The following VPS52 variants were observed in gnomAD, a reference collection of about 807,000 sequenced individuals.
VPS52 encodes the protein vacuolar protein sorting-associated protein 52 homolog.
In VPS52, 56 loss-of-function variants were observed where a neutral mutation model predicts 98.7. The ratio of observed to expected loss-of-function variants is 0.57; its 90% CI spans 0.46 to 0.71. The LOEUF is 0.71. VPS52 is among the 30% of genes least tolerant of loss of function. The pLI, the probability that VPS52 is intolerant of heterozygous loss-of-function variation, is 0.00. For missense variants in VPS52, 742 were observed against 925.9 expected, an observed-to-expected ratio of 0.80 and a Z score of 2.58; for synonymous variants, 348 against 346.4, an observed-to-expected ratio of 1.00 and a Z score of -0.05.
chr6:33,256,235 T>TTTACAGGAGATTACA (rs999731198), intron 17 of VPS52, among the ~76,000 whole-genome samples: 6 of 151,712 alleles, frequency 4.0e-5, no homozygotes, highest in Middle Eastern at 3.4e-3. Flanking sequence ...CCAGGTGGAG[T>TTTACAGGAGATTACA]GGCTCACATC....
chr6:33,260,184 T>C (rs192555643), intron 17 of VPS52, among the ~76,000 whole-genome samples: 1 of 151,924 alleles, frequency 6.6e-6, no homozygotes, highest in African/African-American at 2.4e-5. Context: ...GATTCTGGGG[T>C]TTTTTGTTTT....
intron 13 of VPS52, 98 bp from the exon 14 acceptor site, chr6:33,264,595 T>C: frequency 1.9e-6 from 3 of 1,560,732 alleles, no homozygotes; most frequent in Non-Finnish European, 2.6e-6. Flanking sequence ...CAATAGCTAG[T>C]TGTGGGGGTT....
intron 13 of VPS52, 84 bp downstream of exon 13, chr6:33,264,698 G>C (rs577804818): frequency 4.2e-6 from 6 of 1,438,434 alleles, no homozygotes; most frequent in South Asian, 1.1e-5. Context: ...TACCAGGTCA[G>C]TAGGAGTCTA....
At chr6:33,251,397 C>T (rs2150781216) in intron 19 of VPS52, 121 bp downstream of exon 19, 1 of 719,076 alleles carries the variant, frequency 1.4e-6, no homozygotes, top group Non-Finnish European at 2.4e-6. Flanking sequence ...TCATACAGAA[C>T]TTTGGGCACA....
chr6:33,251,871 C>A lies in VPS52; in HGVS notation c.1895G>T (p.Arg632Leu), dbSNP rs751054228. 3.7e-6 allele frequency: 6 copies of A among 1,613,480 alleles called. No individual in the cohort carries two copies. Among genetic ancestry groups the A allele is most frequent in the Non-Finnish European group, 5.1e-6 (6 of 1,180,048 alleles). The part of the protein sequence containing the change: ...LIERGQAERL[R>L]GEEARVTQLI... Reference sequence around the variant, plus strand: ...TATTTTCCTCATACCTTCTTCCCCTCGAAGTCGCTCAGCCTGTCCACGCTC... The same window carrying A: ...TATTTTCCTCATACCTTCTTCCCCTAGAAGTCGCTCAGCCTGTCCACGCTC... Residue 632 changes from arginine to leucine, a missense_variant, in exon 18 of 20, where the codon CGA (arginine) becomes CTA (leucine). Coordinates refer to ENST00000445902, the MANE Select transcript of VPS52 (RefSeq NM_022553.6).
chr6:33,270,923 C>G (rs895071313), intron 1 of VPS52, among the ~76,000 whole-genome samples: 1 of 142,154 alleles, frequency 7.0e-6, no homozygotes, highest in Non-Finnish European at 1.5e-5. Flanking sequence ...TGCACTCCAG[C>G]CTGGGCGACA....
chr6:33,270,487 C>T (rs1363335598), intron 1 of VPS52, among the ~76,000 whole-genome samples: 1 of 152,114 alleles, frequency 6.6e-6, no homozygotes, highest in Admixed American at 6.5e-5. Context: ...AGGAGTGAGA[C>T]GATCCAGTGA....
rs1252772515 is a variant in VPS52, at chr6:33,268,013, C to T, written c.801-16G>A. On this transcript the variant is annotated splice_polypyrimidine_tract_variant and intron_variant, in intron 8 of 19. Transcript: ENST00000445902. The surrounding 1 kb of genome is among the most constrained non-coding windows in gnomAD (Gnocchi z 4.0). ...ATAGAAGAACCTAGGGGGTCAGGAA[C>T]ATGTCAGTCTACCTGTCTCCCAAGA... 1.9e-6 allele frequency: 3 copies of T among 1,612,918 alleles called. No homozygotes were observed. The highest frequency in any genetic ancestry group is 1.3e-5 in the African/African-American group (1 of 74,914).
chr6:33,256,014 C>T (rs1487110476), intron 17 of VPS52, among the ~76,000 whole-genome samples: 1 of 152,006 alleles, frequency 6.6e-6, no homozygotes, highest in Non-Finnish European at 1.5e-5. Context: ...AAACATCATC[C>T]TGGGAGTGTT....
At chr6:33,269,388 C>T (rs1764723191) in intron 5 of VPS52, 102 bp downstream of exon 5, 1 of 1,519,210 alleles carries the variant, frequency 6.6e-7, no homozygotes, top group East Asian at 2.3e-5. Context: ...TGAAAATGAC[C>T]CTAACCTGTC....
At position 33,267,166 on chromosome 6, in the gene VPS52, T is replaced by C. The variant is rs1427881651; in HGVS notation, c.1125+22A>G. Reference sequence around the variant, plus strand: ...CCGTGCTCAGAGCCTCTTTCGTGACTGAAGCTTGTTCCTCCTCATACCCTC... The same window carrying C: ...CCGTGCTCAGAGCCTCTTTCGTGACCGAAGCTTGTTCCTCCTCATACCCTC... On this transcript the variant is annotated intron_variant, in intron 11 of 19. Transcript: ENST00000445902. The surrounding 1 kb of genome is among the most constrained non-coding windows in gnomAD (Gnocchi z 4.2). 2.0e-6 allele frequency: 3 copies of C among 1,471,302 alleles called. No homozygotes were observed. The highest frequency in any genetic ancestry group is 2.4e-5 in the Admixed American group (1 of 41,012). 91.1% of individuals were successfully genotyped at this position (1,471,302 alleles called of 1,614,324 possible).
At position 33,266,596 on chromosome 6, in the gene VPS52, C is replaced by T. The variant is rs932874013; in HGVS notation, c.1242G>A (p.Leu414=). 1.2e-6 allele frequency: 2 copies of T among 1,612,358 alleles called. No individual in the cohort carries two copies. The highest frequency in any genetic ancestry group is 8.5e-7 in the Non-Finnish European group (1 of 1,179,734). Residue 414 remains leucine, a synonymous_variant, in exon 12 of 20, where the codon CTG becomes CTA. Transcript: ENST00000445902. ...FVVSGPAAHD[L]FHAVMGRTLS... ...GTGTACGGCCCATGACAGCATGGAA[C>T]AGGTCGTGTGCAGCTGGGCCAGACA...
In VPS52 at chr6:33,268,862, A is replaced by C; in HGVS notation, c.548+152T>G. On this transcript the variant is annotated intron_variant, in intron 6 of 19. Transcript: ENST00000445902. The surrounding 1 kb of genome is among the most constrained non-coding windows in gnomAD (Gnocchi z 4.0). ...TTCTTAATCTTAATCTTTGATGCCTAATGCATACCTAAAGAAATGGTGGTT... is the reference window on the plus strand; with the variant it reads ...TTCTTAATCTTAATCTTTGATGCCTCATGCATACCTAAAGAAATGGTGGTT... 1 of 1,119,450 alleles carries C rather than the reference A, an allele frequency of 8.9e-7. No individual in the cohort carries two copies. Among genetic ancestry groups the C allele is most frequent in the Non-Finnish European group, 1.3e-6 (1 of 795,318 alleles). 69.3% of individuals were successfully genotyped at this position (1,119,450 alleles called of 1,614,324 possible). A position where few individuals can be genotyped will look rare whatever the true frequency, so the allele number is the denominator to read the frequency against.
chr6:33,266,729 AAAG>A lies in VPS52; in HGVS notation c.1126-20_1126-18del, dbSNP rs1562567295. 6.3e-7 allele frequency: 1 copy of A among 1,592,926 alleles called. No individual in the cohort carries two copies. On this transcript the variant is annotated intron_variant, in intron 11 of 19. Coordinates refer to ENST00000445902, the MANE Select transcript of VPS52 (RefSeq NM_022553.6). ...AAATGGATACTGGGAGAGGAGGAGTAAAGAAGAAAAACAGAAGGGATGGACCCC... is the reference window on the plus strand; with the variant it reads ...AAATGGATACTGGGAGAGGAGGAGTAAAGAAAAACAGAAGGGATGGACCCC...
chr6:33,268,979 T>C lies in VPS52; in HGVS notation c.548+35A>G, dbSNP rs746820718. ...GGGTCACCCCAGCCCATCCACCTGC[T>C]ATGGACATTATAACCCTTCAAACTG... On this transcript the variant is annotated intron_variant, in intron 6 of 19. Coordinates refer to ENST00000445902, the MANE Select transcript of VPS52 (RefSeq NM_022553.6). The surrounding 1 kb of genome is among the most constrained non-coding windows in gnomAD (Gnocchi z 4.0). The C allele has an allele frequency of 1.2e-6, 2 of 1,609,118 alleles. No individual in the cohort carries two copies. Among genetic ancestry groups the C allele is most frequent in the African/African-American group, 2.7e-5 (2 of 74,964 alleles).
chr6:33,259,529 C>T (rs1348777397), intron 17 of VPS52, among the ~76,000 whole-genome samples: 1 of 152,106 alleles, frequency 6.6e-6, no homozygotes, highest in African/African-American at 2.4e-5. Flanking sequence ...ATAAAACCCA[C>T]TGAAATACAG....
Position 33,268,935 on chromosome 6 carries a change from C to T in VPS52, c.548+79G>A, listed in dbSNP as rs113379766. Reference sequence around the variant, plus strand: ...AAGCACTTAACCTGGAGCCAGGAGACCCATATGGTAAATAGGGTGGGTCAC... The same window carrying T: ...AAGCACTTAACCTGGAGCCAGGAGATCCATATGGTAAATAGGGTGGGTCAC... On this transcript the variant is annotated intron_variant, in intron 6 of 19. Coordinates refer to ENST00000445902, the MANE Select transcript of VPS52 (RefSeq NM_022553.6). This position sits in a 1 kb window ranked among gnomAD's most constrained non-coding sequence, Gnocchi z 4.0. The T allele has an allele frequency of 6.2e-4, 964 of 1,548,326 alleles. 5 individuals carry two copies. The African/African-American group carries it at 0.012, about 19-fold the overall frequency.
At chr6:33,260,234 G>A (rs1438451279) in intron 17 of VPS52, among the ~76,000 whole-genome samples, 2 of 152,072 alleles carry the variant, frequency 1.3e-5, no homozygotes, top group African/African-American at 4.8e-5. Context: ...TGTTGCCAAG[G>A]GTAGACTACA....
intron 17 of VPS52, among the ~76,000 whole-genome samples, chr6:33,257,453 C>A (rs1292829305): frequency 1.3e-5 from 2 of 151,632 alleles, no homozygotes; most frequent in African/African-American, 4.9e-5. Context: ...GTCTGGAGTG[C>A]AGTGGCACGA....
Sources: gnomAD v4.1 joint callset for allele counts (sites outside exome capture counted in the v4.1 genomes callset) on GRCh38, gnomAD v4.1.1 for gene constraint, Gnocchi (gnomAD v3.1) non-coding constraint, MANE v1.5 for transcripts, NCBI Gene and HGNC (gene_info 2026-07-23, HGNC 2026-07-21) for gene names.